The following EGFL6 variants were observed in gnomAD, a reference collection of about 807,000 sequenced individuals.
EGFL6 encodes the protein epidermal growth factor-like protein 6.
A neutral mutation model predicts 43.1 loss-of-function variants in EGFL6; 42 were observed. The observed-to-expected ratio is 0.98, with a 90% CI of 0.76 to 1.26. The LOEUF (loss-of-function observed/expected upper bound fraction) is 1.26. EGFL6 is among the 50% of genes most tolerant of loss of function. EGFL6 has a pLI of 0.00. For synonymous variants in EGFL6, 164 were observed against 163.2 expected, an observed-to-expected ratio of 1.01 and a Z score of -0.04; for missense variants, 429 against 427.8, an observed-to-expected ratio of 1.00 and a Z score of -0.02.
chrX:13,576,548 T>C (rs1158279167), intron 1 of EGFL6, among the ~76,000 whole-genome samples: 2 of 112,045 alleles, frequency 1.8e-5, no homozygotes, highest in African/African-American at 6.5e-5. Context: ...GTGTTGCACA[T>C]GGCACTTCTG....
intron 7 of EGFL6, among the ~76,000 whole-genome samples, chrX:13,614,947 G>T (rs6527854): frequency 0.46 from 50,630 of 109,917 alleles, 8,620 homozygotes; most frequent in South Asian, 0.68. Flanking sequence ...GGTGTTTCAC[G>T]ATGTATGTTG....
At chrX:13,626,002 G>A (rs757140735) in intron 10 of EGFL6, among the ~76,000 whole-genome samples, 1 of 111,512 alleles carries the variant, frequency 9.0e-6, no homozygotes, top group African/African-American at 3.3e-5. Flanking sequence ...GGAGAGAAAG[G>A]GAAACCTTCC....
chrX:13,582,653 C>T (rs1192037233), intron 1 of EGFL6, among the ~76,000 whole-genome samples: 2 of 111,359 alleles, frequency 1.8e-5, no homozygotes, highest in Non-Finnish European at 3.8e-5. Context: ...CTCAGTTTCA[C>T]CTTTTCACCT....
At chrX:13,598,691 T>C (rs1002759181) in intron 3 of EGFL6, among the ~76,000 whole-genome samples, 1 of 108,183 alleles carries the variant, frequency 9.2e-6, no homozygotes, top group East Asian at 2.8e-4. Flanking sequence ...AGGCTTTTCT[T>C]TTCCTATGTA....
chrX:13,611,808 C>T (rs1359833390), intron 7 of EGFL6, among the ~76,000 whole-genome samples: 1 of 112,277 alleles, frequency 8.9e-6, no homozygotes, highest in African/African-American at 3.2e-5. Context: ...GAAAATTATG[C>T]ATTTTGTTAT....
chrX:13,606,537 C>CT, intron 6 of EGFL6, 24 bp downstream of exon 6: 5 of 1,202,061 alleles, frequency 4.2e-6, no homozygotes, highest in Non-Finnish European at 5.6e-6. Context: ...GCACCTTTTC[C>CT]TTTTTTTCCT....
At chrX:13,623,718 G>A (rs2045762884) in intron 9 of EGFL6, 106 bp from the exon 10 acceptor site, 2 of 568,574 alleles carry the variant, frequency 3.5e-6, no homozygotes, top group East Asian at 7.0e-5. Flanking sequence ...GTCATGATCT[G>A]TACTCTGTGC....
At position 13,603,332 on chromosome X, in the gene EGFL6, C is replaced by T; in HGVS notation, c.416C>T (p.Ala139Val). ...DATCVNSRTCAMINCQYSCED... is the reference protein window; with the variant it reads ...DATCVNSRTCVMINCQYSCED... ...ACTTTTTCAGACTCTAGGACATGTG[C>T]CATGATAAACTGTCAGTACAGCTGT... The change falls in exon 5 of 12, where the codon GCC (alanine) becomes GTC (valine). Residue 139 changes from alanine (A) to valine (V), a missense_variant. Ala to Val is a moderately conservative substitution (Grantham distance 64). Transcript: ENST00000361306. 1.7e-6 allele frequency: 2 copies of T among 1,207,466 alleles called. No homozygotes were observed. Among genetic ancestry groups the T allele is most frequent in the Non-Finnish European group, 2.2e-6 (2 of 893,622 alleles).
intron 11 of EGFL6, among the ~76,000 whole-genome samples, chrX:13,629,775 T>C (rs1243785976): frequency 8.9e-6 from 1 of 111,989 alleles, no homozygotes; most frequent in African/African-American, 3.2e-5. Flanking sequence ...GGAAATTTAA[T>C]CTTGGCTATT....
At chrX:13,583,991 C>T (rs1399223468) in intron 1 of EGFL6, among the ~76,000 whole-genome samples, 3 of 112,022 alleles carry the variant, frequency 2.7e-5, no homozygotes, top group African/African-American at 9.7e-5. Flanking sequence ...CCTACTACTA[C>T]GAATAATAAA....
At chrX:13,611,079 TTTCTCCC>T (rs1480232067) in intron 7 of EGFL6, among the ~76,000 whole-genome samples, 1 of 110,798 alleles carries the variant, frequency 9.0e-6, no homozygotes, top group Admixed American at 9.6e-5. Flanking sequence ...TCTTTTGGCT[TTTCTCCC>T]TTCCTGTCTC....
intron 1 of EGFL6, among the ~76,000 whole-genome samples, chrX:13,577,832 T>A (rs1392589217): frequency 1.8e-5 from 2 of 112,345 alleles, no homozygotes; most frequent in African/African-American, 6.5e-5. Context: ...CCCAGTACAC[T>A]GAGCCAAGGA....
At chrX:13,614,296 C>T (rs1473347230) in intron 7 of EGFL6, among the ~76,000 whole-genome samples, 1 of 111,781 alleles carries the variant, frequency 8.9e-6, no homozygotes, top group Non-Finnish European at 1.9e-5. Flanking sequence ...TTGCCCTCCT[C>T]AGCAAACTCT....
chrX:13,574,898 G>C (rs2045463066), intron 1 of EGFL6: 1 of 121,415 alleles, frequency 8.2e-6, no homozygotes, highest in African/African-American at 3.2e-5. Flanking sequence ...ATCTGAAATA[G>C]CATTATTACA....
chrX:13,613,006 A>G (rs1414012554), intron 7 of EGFL6, among the ~76,000 whole-genome samples: 1 of 108,920 alleles, frequency 9.2e-6, no homozygotes, highest in Non-Finnish European at 1.9e-5. Flanking sequence ...TTAGCCAGGC[A>G]TGGTGGTGTG....
rs554516377 is a variant in EGFL6, at chrX:13,601,866, T to C, written c.401-1451T>C. Among the ~76,000 whole-genome samples the C allele has an allele frequency of 2.8e-3, 308 of 111,743 alleles. 2 individuals are homozygous for C. The highest frequency in any genetic ancestry group is 8.2e-3 in the African/African-American group (251 of 30,763). On this transcript the variant is annotated intron_variant, in intron 4 of 11. Transcript: ENST00000361306. ...AAGGGAACCACTATCCAGGCTTTTA[T>C]AGTAATCACTTAAAATTTCAAAAAA... is the stretch of plus-strand genomic sequence containing the variant.
chrX:13,632,980 A>G lies in EGFL6; in HGVS notation c.1552-5A>G, dbSNP rs1160917455. On this transcript the variant is annotated splice_region_variant and splice_polypyrimidine_tract_variant and intron_variant, in intron 11 of 11. Coordinates refer to ENST00000361306, the MANE Select transcript of EGFL6 (RefSeq NM_015507.4). ...GTAATTTTTTTATTCTCTCTCCATT[A>G]TTAGATCATTTTTGAAGCAGAACGT... 2 of 1,203,807 alleles carry G rather than the reference A, an allele frequency of 1.7e-6. No individual in the cohort carries two copies. Among genetic ancestry groups the G allele is most frequent in the Non-Finnish European group, 1.1e-6 (1 of 890,115 alleles).
intron 7 of EGFL6, among the ~76,000 whole-genome samples, chrX:13,612,201 G>A (rs925998750): frequency 9.2e-6 from 1 of 108,540 alleles, no homozygotes; most frequent in South Asian, 4.0e-4. Flanking sequence ...GCGGCCTTCC[G>A]CAGTGTTTGT....
rs145997662 is a variant in EGFL6, at chrX:13,593,384, G to C, written c.188-1452G>C. ...TTTGCTAGGAGCAGAGCCTGAAAGGGGGATTCTTGTACAAATATTCCATTG... is the reference window on the plus strand; with the variant it reads ...TTTGCTAGGAGCAGAGCCTGAAAGGCGGATTCTTGTACAAATATTCCATTG... On this transcript the variant is annotated intron_variant, in intron 2 of 11. Coordinates refer to ENST00000361306, the MANE Select transcript of EGFL6 (RefSeq NM_015507.4). Among the ~76,000 whole-genome samples the C allele has an allele frequency of 5.5e-3, 621 of 112,011 alleles. 5 individuals are homozygous for C. Among genetic ancestry groups the C allele is most frequent in the African/African-American group, 0.015 (478 of 30,862 alleles).
Sources: gnomAD v4.1 joint callset for allele counts (sites outside exome capture counted in the v4.1 genomes callset) on GRCh38, gnomAD v4.1.1 for gene constraint, MANE v1.5 for transcripts, NCBI Gene and HGNC (gene_info 2026-07-23, HGNC 2026-07-21) for gene names.